Variants in RNF220 observed in about 807,000 individuals in gnomAD.
RNF220 encodes the protein E3 ubiquitin-protein ligase RNF220.
RNF220 carries 7 observed loss-of-function variants against 67.1 expected under a neutral mutation model. That is an observed-to-expected ratio of 0.10 (90% CI 0.06 to 0.20). RNF220 has a LOEUF of 0.20. RNF220 is among the 10% of genes least tolerant of loss of function. The pLI, the probability that RNF220 is intolerant of heterozygous loss-of-function variation, is 1.00. For synonymous variants in RNF220, 270 were observed against 283.2 expected, an observed-to-expected ratio of 0.95 and a Z score of 0.47; for missense variants, 565 against 740.3, an observed-to-expected ratio of 0.76 and a Z score of 2.75.
chr1:44,645,749 C>G lies in RNF220; in HGVS notation c.1445+261C>G, dbSNP rs368326627. On this transcript the variant is annotated intron_variant, in intron 12 of 14. Transcript: ENST00000361799. The surrounding 1 kb of genome is among the most constrained non-coding windows in gnomAD (Gnocchi z 5.0). ...TGCCTGCCTGCCTGCCCGCCTGCTGCGGCGGCCTTCGCCCGGGGAATGTGA... is the reference window on the plus strand; with the variant it reads ...TGCCTGCCTGCCTGCCCGCCTGCTGGGGCGGCCTTCGCCCGGGGAATGTGA... Among the ~76,000 whole-genome samples the G allele has an allele frequency of 1.3e-4, 20 of 152,380 alleles. No individual in the cohort carries two copies. The East Asian group carries it at 2.5e-3, about 19-fold the overall frequency.
intron 2 of RNF220, among the ~76,000 whole-genome samples, chr1:44,528,122 A>C (rs1422337583): frequency 2.0e-5 from 3 of 152,114 alleles, no homozygotes; most frequent in African/African-American, 7.2e-5. Context: ...CAGTAAGTAT[A>C]GCAGAACATT....
chr1:44,640,743 A>AGACT (rs1285181092), intron 8 of RNF220, among the ~76,000 whole-genome samples: 8 of 152,174 alleles, frequency 5.3e-5, no homozygotes, highest in African/African-American at 1.9e-4. Context: ...GCAGCTCCCC[A>AGACT]GACTGTCAGC....
At chr1:44,599,777 A>G (rs370097249) in intron 2 of RNF220, among the ~76,000 whole-genome samples, 4 of 152,246 alleles carry the variant, frequency 2.6e-5, no homozygotes, top group African/African-American at 9.6e-5. Context: ...GCCAGAGCAC[A>G]CACTATTGCA....
chr1:44,480,354 C>T (rs1480790081), intron 2 of RNF220, among the ~76,000 whole-genome samples: 2 of 152,126 alleles, frequency 1.3e-5, no homozygotes, highest in Non-Finnish European at 2.9e-5. Flanking sequence ...CTGTGGTGAG[C>T]CCTGATCGTG....
At chr1:44,628,945 C>T (rs1291046241) in intron 5 of RNF220, among the ~76,000 whole-genome samples, 1 of 152,238 alleles carries the variant, frequency 6.6e-6, no homozygotes, top group South Asian at 2.1e-4. Flanking sequence ...TACAAACCAT[C>T]CCAAAACTTA....
intron 4 of RNF220, among the ~76,000 whole-genome samples, chr1:44,625,035 G>T: frequency 6.9e-6 from 1 of 144,732 alleles, no homozygotes. Context: ...ATGAGAGAGA[G>T]AGAGAGAGAG....
intron 2 of RNF220, among the ~76,000 whole-genome samples, chr1:44,418,863 G>C (rs3866644): frequency 5.3e-5 from 8 of 151,930 alleles, no homozygotes; most frequent in African/African-American, 1.9e-4. Flanking sequence ...TGGAGTGACA[G>C]CATATTTAAT....
At chr1:44,589,550 C>T (rs12069382) in intron 2 of RNF220, among the ~76,000 whole-genome samples, 1 of 137,370 alleles carries the variant, frequency 7.3e-6, no homozygotes, top group African/African-American at 2.7e-5. Context: ...GGAGGAGGAG[C>T]TTGCAGTGAG....
At chr1:44,413,296 G>C (rs892047377) in intron 2 of RNF220, among the ~76,000 whole-genome samples, 1 of 152,150 alleles carries the variant, frequency 6.6e-6, no homozygotes, top group Non-Finnish European at 1.5e-5. Flanking sequence ...CCTTGCGATC[G>C]CAAGGCTAGA....
chr1:44,422,545 G>T (rs1405402451), intron 2 of RNF220, among the ~76,000 whole-genome samples: 1 of 152,128 alleles, frequency 6.6e-6, no homozygotes, highest in African/African-American at 2.4e-5. Flanking sequence ...CATGGTATGG[G>T]GAGATTTTTA....
At chr1:44,553,848 G>T (rs1662863877) in intron 2 of RNF220, among the ~76,000 whole-genome samples, 1 of 152,158 alleles carries the variant, frequency 6.6e-6, no homozygotes, top group African/African-American at 2.4e-5. Context: ...AACGACAGGG[G>T]AGCTGTTACT....
rs371854660 is a variant in RNF220, at chr1:44,649,870, C to T, written c.1555-13C>T. The T allele has an allele frequency of 6.2e-7, 1 of 1,613,988 alleles. No homozygotes were observed. The highest frequency in any genetic ancestry group is 8.5e-7 in the Non-Finnish European group (1 of 1,179,934). On this transcript the variant is annotated splice_polypyrimidine_tract_variant and intron_variant, in intron 13 of 14. Transcript: ENST00000361799. This position sits in a 1 kb window ranked among gnomAD's most constrained non-coding sequence, Gnocchi z 5.9. ...ACCTCAGAGTGACCCCTTCTCTGCCCCCTCCTCCCTAGGACTCGTACTCGA... is the reference window on the plus strand; with the variant it reads ...ACCTCAGAGTGACCCCTTCTCTGCCTCCTCCTCCCTAGGACTCGTACTCGA...
chr1:44,560,464 A>G (rs939506763), intron 2 of RNF220, among the ~76,000 whole-genome samples: 3 of 152,226 alleles, frequency 2.0e-5, no homozygotes, highest in African/African-American at 2.4e-5. Flanking sequence ...GCTGGAAACT[A>G]TGTGAACAGA....
chr1:44,449,407 T>C, intron 2 of RNF220, among the ~76,000 whole-genome samples: 1 of 152,102 alleles, frequency 6.6e-6, no homozygotes, highest in East Asian at 1.9e-4. Flanking sequence ...GCTAAAGAGT[T>C]AGCAAAAACT....
At chr1:44,424,074 C>A in intron 2 of RNF220, 1 of 959,766 alleles carries the variant, frequency 1.0e-6, no homozygotes, top group Non-Finnish European at 1.2e-6. Flanking sequence ...GTGCTCGGTG[C>A]TGTTTGCAAG....
chr1:44,557,569 A>G lies in RNF220; in HGVS notation c.626-56596A>G, dbSNP rs183855829. On this transcript the variant is annotated intron_variant, in intron 2 of 14. Coordinates refer to ENST00000361799, the MANE Select transcript of RNF220 (RefSeq NM_018150.4). ...TAGGATCATCCATATTCACTCGTTC[A>G]TTCATTCATTCATTCACTGAACAAA... Among the ~76,000 whole-genome samples the G allele has an allele frequency of 7.5e-4, 112 of 149,988 alleles. 2 individuals carry two copies. The East Asian group carries it at 0.015, about 19-fold the overall frequency.
intron 1 of RNF220, among the ~76,000 whole-genome samples, chr1:44,411,405 T>A (rs2147802462): frequency 6.6e-6 from 1 of 152,358 alleles, no homozygotes; most frequent in African/African-American, 2.4e-5. Flanking sequence ...TGTGTGTGTG[T>A]ATATGCCAAT....
chr1:44,640,732 C>A (rs1011623977), intron 8 of RNF220, among the ~76,000 whole-genome samples: 1 of 152,204 alleles, frequency 6.6e-6, no homozygotes, highest in African/African-American at 2.4e-5. Flanking sequence ...TGTCCCGCAT[C>A]GCAGCTCCCC....
At chr1:44,639,627 T>C (rs1332661621) in intron 8 of RNF220, among the ~76,000 whole-genome samples, 2 of 152,088 alleles carry the variant, frequency 1.3e-5, no homozygotes, top group African/African-American at 4.8e-5. Flanking sequence ...CAGTGCAGGG[T>C]CTTTGTCCTG....
Sources: allele counts gnomAD v4.1 joint callset (sites outside exome capture counted in the v4.1 genomes callset), GRCh38; gene constraint gnomAD v4.1.1; non-coding constraint Gnocchi (gnomAD v3.1); transcripts MANE v1.5; gene names NCBI Gene and HGNC (gene_info 2026-07-23, HGNC 2026-07-21).